ARHGEF7: variants seen among roughly 807,000 people sequenced by gnomAD.
ARHGEF7 encodes the protein PAK-interacting exchange factor beta.
In ARHGEF7, 33 loss-of-function variants were observed where a neutral mutation model predicts 109.8. That is an observed-to-expected ratio of 0.30 (90% CI 0.23 to 0.40). The LOEUF is 0.40. Ranked by LOEUF, ARHGEF7 falls within the 10% of genes least tolerant of loss-of-function variation. The probability of loss-of-function intolerance (pLI) is 1.00; values close to 1 mark genes in which losing one functional copy is unlikely to be tolerated. For missense variants in ARHGEF7, 938 were observed against 1,098.5 expected, an observed-to-expected ratio of 0.85 and a Z score of 2.07; for synonymous variants, 458 against 424.6, an observed-to-expected ratio of 1.08 and a Z score of -0.97.
intron 4 of ARHGEF7, among the ~76,000 whole-genome samples, chr13:111,215,019 A>G (rs2082943233): frequency 6.6e-6 from 1 of 151,988 alleles, no homozygotes; most frequent in South Asian, 2.1e-4. Context: ...GAGACCTGCT[A>G]TTAGGAAAAA....
At chr13:111,157,795 T>C (rs2076457007) in intron 2 of ARHGEF7, among the ~76,000 whole-genome samples, 2 of 152,164 alleles carry the variant, frequency 1.3e-5, no homozygotes, top group Admixed American at 1.3e-4. Flanking sequence ...TGTGTGCATG[T>C]GTGTGTGTGC....
At chr13:111,298,509 C>G (rs971797453) in intron 19 of ARHGEF7, among the ~76,000 whole-genome samples, 1 of 152,224 alleles carries the variant, frequency 6.6e-6, no homozygotes, top group Non-Finnish European at 1.5e-5. Flanking sequence ...TCTTGGAGCA[C>G]AGGCACCTGG....
intron 2 of ARHGEF7, among the ~76,000 whole-genome samples, chr13:111,174,987 C>T (rs1209045451): frequency 6.6e-6 from 1 of 152,214 alleles, no homozygotes; most frequent in Admixed American, 6.5e-5. Flanking sequence ...CTCAACCGTC[C>T]TCCTGTGTTG....
chr13:111,223,450 T>C (rs772581632), intron 5 of ARHGEF7, among the ~76,000 whole-genome samples: 1 of 152,238 alleles, frequency 6.6e-6, no homozygotes, highest in Non-Finnish European at 1.5e-5. Context: ...TTTTACTGAG[T>C]AAACAAGAAC....
chr13:111,143,227 C>A (rs1489427623), intron 1 of ARHGEF7, among the ~76,000 whole-genome samples: 1 of 152,174 alleles, frequency 6.6e-6, no homozygotes, highest in Admixed American at 6.5e-5. Context: ...AGAGTAGATA[C>A]AGGAGGCAGC....
intron 9 of ARHGEF7, among the ~76,000 whole-genome samples, chr13:111,269,747 C>G (rs2091982698): frequency 6.6e-6 from 1 of 152,176 alleles, no homozygotes; most frequent in African/African-American, 2.4e-5. Context: ...TGTGTGCCCT[C>G]CCGAGGTCCC....
chr13:111,283,678 T>A (rs950325763), intron 16 of ARHGEF7, among the ~76,000 whole-genome samples: 9 of 152,202 alleles, frequency 5.9e-5, no homozygotes, highest in Non-Finnish European at 8.8e-5. Context: ...TGGCTTTCAC[T>A]CCCTGTGTGT....
At chr13:111,206,082 T>A (rs566860094) in intron 3 of ARHGEF7, among the ~76,000 whole-genome samples, 1 of 152,100 alleles carries the variant, frequency 6.6e-6, no homozygotes, top group South Asian at 2.1e-4. Context: ...TAGTTGCTTT[T>A]TTGGTCTTAT....
At chr13:111,263,939 T>C (rs1413513886) in intron 8 of ARHGEF7, among the ~76,000 whole-genome samples, 1 of 152,270 alleles carries the variant, frequency 6.6e-6, no homozygotes, top group Non-Finnish European at 1.5e-5. Flanking sequence ...ACCCTGTTTT[T>C]AATCTGTTCC....
chr13:111,252,029 C>T (rs1028625082), intron 8 of ARHGEF7, among the ~76,000 whole-genome samples: 2 of 152,212 alleles, frequency 1.3e-5, no homozygotes, highest in Admixed American at 1.3e-4. Flanking sequence ...GAGGAGTGCC[C>T]TGGGGCCTTG....
intron 1 of ARHGEF7, among the ~76,000 whole-genome samples, chr13:111,142,945 T>A (rs756528490): frequency 1.3e-5 from 2 of 152,140 alleles, no homozygotes; most frequent in Non-Finnish European, 2.9e-5. Flanking sequence ...GACTCTTGAG[T>A]GGGAAAGGCC....
At chr13:111,285,503 C>A (rs1198642506) in intron 16 of ARHGEF7, among the ~76,000 whole-genome samples, 1 of 152,100 alleles carries the variant, frequency 6.6e-6, no homozygotes, top group African/African-American at 2.4e-5. Flanking sequence ...GTCTTCTGTG[C>A]TTGTTTGAAA....
intron 6 of ARHGEF7, among the ~76,000 whole-genome samples, chr13:111,238,113 T>C (rs1359099699): frequency 6.6e-6 from 1 of 152,228 alleles, no homozygotes; most frequent in Non-Finnish European, 1.5e-5. Flanking sequence ...GCCACTACTC[T>C]TGCCTCTATT....
At chr13:111,172,220 T>G (rs1017541658) in intron 2 of ARHGEF7, among the ~76,000 whole-genome samples, 1 of 152,206 alleles carries the variant, frequency 6.6e-6, no homozygotes, top group Non-Finnish European at 1.5e-5. Context: ...AAGCACTCAC[T>G]GATCAGTGCT....
At chr13:111,164,470 C>T (rs1031532351) in intron 2 of ARHGEF7, among the ~76,000 whole-genome samples, 1 of 152,310 alleles carries the variant, frequency 6.6e-6, no homozygotes, top group South Asian at 2.1e-4. Flanking sequence ...CGTGGGTGTG[C>T]GACTAGTGTT....
intron 1 of ARHGEF7, chr13:111,143,675 G>C (rs1756372423): frequency 6.6e-6 from 1 of 152,214 alleles, no homozygotes; most frequent in African/African-American, 2.4e-5. Context: ...ACTGCTCTCA[G>C]TTTTCTTGTA....
chr13:111,295,443 G>A (rs1348531957), intron 19 of ARHGEF7, among the ~76,000 whole-genome samples: 1 of 152,218 alleles, frequency 6.6e-6, no homozygotes, highest in Non-Finnish European at 1.5e-5. Context: ...TTCAGTCACT[G>A]GCGGGTTTGT....
intron 5 of ARHGEF7, among the ~76,000 whole-genome samples, chr13:111,220,436 G>C (rs1446115422): frequency 6.6e-6 from 1 of 152,166 alleles, no homozygotes. Context: ...AGGTGAGTGG[G>C]GTTTTACTTT....
chr13:111,115,712 CCGCCCG>C, intron 1 of ARHGEF7, 21 bp downstream of exon 1: 2 of 1,142,664 alleles, frequency 1.8e-6, no homozygotes, highest in Non-Finnish European at 2.2e-6. Context: ...GCCCGCGCCC[CCGCCCG>C]CGCCCCCCGG....
Sources: allele counts gnomAD v4.1 joint callset (sites outside exome capture counted in the v4.1 genomes callset), GRCh38; gene constraint gnomAD v4.1.1; transcripts MANE v1.5; gene names NCBI Gene and HGNC (gene_info 2026-07-23, HGNC 2026-07-21).